ULK4: variants seen among roughly 807,000 people sequenced by gnomAD.
ULK4 encodes inactive serine/threonine-protein kinase ULK4.
In ULK4, 133 loss-of-function variants were observed where a neutral mutation model predicts 160.6. The observed-to-expected ratio is 0.83, with a 90% confidence interval of 0.72 to 0.96. ULK4 has a LOEUF of 0.96. Among genes scored for constraint, ULK4 ranks in the 40% least tolerant of loss-of-function variants. The pLI is 0.00. For synonymous variants in ULK4, 534 were observed against 539.8 expected (o/e 0.99, Z 0.15); for missense variants, 1,580 against 1,499.5 (o/e 1.05, Z -0.89).
At chr3:41,726,580 T>G (rs1240533325) in intron 22 of ULK4, among the ~76,000 whole-genome samples, 7 of 152,062 alleles carry the variant, frequency 4.6e-5, no homozygotes, top group South Asian at 2.1e-4. Context: ...CCAAATAAAC[T>G]GCAAATAAAC....
At chr3:41,953,224 A>C (rs1700346842) in intron 2 of ULK4, among the ~76,000 whole-genome samples, 1 of 149,890 alleles carries the variant, frequency 6.7e-6, no homozygotes, top group South Asian at 2.1e-4. Flanking sequence ...TACTATATAC[A>C]TATATATACA....
chr3:41,448,973 C>T (rs1233621851), intron 34 of ULK4, among the ~76,000 whole-genome samples: 2 of 152,126 alleles, frequency 1.3e-5, no homozygotes, highest in African/African-American at 2.4e-5. Flanking sequence ...GCAACCTCCG[C>T]CTCCTGGTTT....
At chr3:41,455,671 A>G (rs1559615742) in intron 33 of ULK4, 76 bp from the exon 34 acceptor site, 5 of 1,370,544 alleles carry the variant, frequency 3.6e-6, no homozygotes, top group Admixed American at 1.8e-5. Context: ...GGACCACTCC[A>G]TCGGGCAGAC....
intron 35 of ULK4, among the ~76,000 whole-genome samples, chr3:41,329,063 G>C (rs1203803853): frequency 6.6e-6 from 1 of 152,116 alleles, no homozygotes; most frequent in East Asian, 1.9e-4. Context: ...CCAGACCCTA[G>C]TAATCACTGA....
chr3:41,429,444 G>A (rs962698800), intron 34 of ULK4, among the ~76,000 whole-genome samples: 9 of 152,114 alleles, frequency 5.9e-5, no homozygotes, highest in South Asian at 2.1e-4. Context: ...AAAGATACAT[G>A]CACATGTGTA....
chr3:41,681,230 T>C (rs1294443472), intron 29 of ULK4, among the ~76,000 whole-genome samples: 1 of 152,160 alleles, frequency 6.6e-6, no homozygotes, highest in Admixed American at 6.5e-5. Flanking sequence ...CCTTGAGCCA[T>C]GAACACGTTT....
intron 32 of ULK4, among the ~76,000 whole-genome samples, chr3:41,538,335 T>C (rs530609018): frequency 1.8e-4 from 25 of 142,636 alleles, no homozygotes; most frequent in African/African-American, 6.2e-4. Flanking sequence ...ACAGCAGCAG[T>C]GTCATGAATT....
chr3:41,292,602 A>T (rs140451710), intron 35 of ULK4, among the ~76,000 whole-genome samples: 1 of 151,838 alleles, frequency 6.6e-6, no homozygotes, highest in Admixed American at 6.6e-5. Context: ...AGCTGAGATC[A>T]TGCCACTGCA....
intron 34 of ULK4, among the ~76,000 whole-genome samples, chr3:41,412,538 T>C (rs571278102): frequency 6.7e-6 from 1 of 148,666 alleles, no homozygotes; most frequent in Non-Finnish European, 1.5e-5. Flanking sequence ...TAAAGGTCAA[T>C]GGCAATGCAG....
At chr3:41,311,067 G>A (rs564529852) in intron 35 of ULK4, among the ~76,000 whole-genome samples, 5 of 152,004 alleles carry the variant, frequency 3.3e-5, no homozygotes, top group African/African-American at 7.3e-5. Flanking sequence ...AAACATTAAC[G>A]CTGTGATGGT....
chr3:41,591,362 A>G (rs778939858), intron 31 of ULK4, among the ~76,000 whole-genome samples: 4 of 151,402 alleles, frequency 2.6e-5, no homozygotes, highest in Non-Finnish European at 4.4e-5. Flanking sequence ...TTTTTCAGAC[A>G]AATTTTTTTT....
chr3:41,628,055 A>T (rs1317831380), intron 30 of ULK4, among the ~76,000 whole-genome samples: 2 of 152,224 alleles, frequency 1.3e-5, no homozygotes, highest in Non-Finnish European at 1.5e-5. Flanking sequence ...AAAATGACAC[A>T]GAAAGATTTG....
At chr3:41,691,975 T>G (rs1193527300) in intron 27 of ULK4, among the ~76,000 whole-genome samples, 4 of 129,210 alleles carry the variant, frequency 3.1e-5, no homozygotes, top group Non-Finnish European at 6.3e-5. Flanking sequence ...TTTTTGAGAC[T>G]GAGTCTCGCT....
At chr3:41,249,653 A>AC in intron 35 of ULK4, 79 bp from the exon 36 acceptor site, 1 of 1,439,126 alleles carries the variant, frequency 6.9e-7, no homozygotes, top group Non-Finnish European at 9.5e-7. Flanking sequence ...CACCCTGAGT[A>AC]TCAGGCCTGC....
chr3:41,458,534 A>C (rs1178130507), intron 33 of ULK4, among the ~76,000 whole-genome samples: 1 of 152,082 alleles, frequency 6.6e-6, no homozygotes, highest in Admixed American at 6.6e-5. Context: ...TCTGGGCCAT[A>C]TTTAACATTA....
chr3:41,342,984 T>A (rs1475970355), intron 35 of ULK4, among the ~76,000 whole-genome samples: 1 of 152,182 alleles, frequency 6.6e-6, no homozygotes, highest in Non-Finnish European at 1.5e-5. Context: ...CCCTTCATGT[T>A]AAAAACTCCC....
At chr3:41,403,894 C>T (rs1303509104) in intron 34 of ULK4, among the ~76,000 whole-genome samples, 1 of 152,040 alleles carries the variant, frequency 6.6e-6, no homozygotes, top group Non-Finnish European at 1.5e-5. Context: ...GGAAATTTTC[C>T]TATTGTCGTT....
chr3:41,613,637 G>A (rs1251342661), intron 31 of ULK4, among the ~76,000 whole-genome samples: 5 of 152,122 alleles, frequency 3.3e-5, no homozygotes, highest in Admixed American at 3.3e-4. Context: ...ATATTTCATC[G>A]ATTGAAAAAT....
intron 35 of ULK4, among the ~76,000 whole-genome samples, chr3:41,320,997 G>C (rs1253414608): frequency 6.6e-6 from 1 of 151,934 alleles, no homozygotes; most frequent in Non-Finnish European, 1.5e-5. Flanking sequence ...TTAATGCAAT[G>C]ATATCTCACT....
Sources: gnomAD v4.1 joint callset for allele counts (sites outside exome capture counted in the v4.1 genomes callset) on GRCh38, gnomAD v4.1.1 for gene constraint, MANE v1.5 for transcripts, NCBI Gene and HGNC (gene_info 2026-07-23, HGNC 2026-07-21) for gene names.